MSH3: variants seen among roughly 807,000 people sequenced by gnomAD.
The protein encoded by MSH3 is mutS homolog 3, also known as DNA mismatch repair protein Msh3.
In MSH3, 106 loss-of-function variants were observed where a neutral mutation model predicts 123.3. The ratio of observed to expected loss-of-function variants is 0.86; its 90% CI spans 0.73 to 1.01. The LOEUF is 1.01. Ranked by LOEUF, MSH3 falls within the 50% of genes least tolerant of loss-of-function variation. The probability of loss-of-function intolerance (pLI) is 0.00; values close to 1 mark genes in which losing one functional copy is unlikely to be tolerated. For synonymous variants in MSH3, 515 were observed against 481.4 expected, an observed-to-expected ratio of 1.07 and a Z score of -0.91; for missense variants, 1,459 against 1,347.6, an observed-to-expected ratio of 1.08 and a Z score of -1.29.
chr5:80,861,021 T>G (rs1746005773), intron 21 of MSH3, among the ~76,000 whole-genome samples: 1 of 152,204 alleles, frequency 6.6e-6, no homozygotes, highest in Non-Finnish European at 1.5e-5. Context: ...TGGTTTTTTC[T>G]TAGAATATGC....
intron 12 of MSH3, among the ~76,000 whole-genome samples, chr5:80,753,502 A>G (rs1381367470): frequency 1.3e-5 from 2 of 152,052 alleles, no homozygotes; most frequent in Admixed American, 1.3e-4. Flanking sequence ...GGTCCCTTTT[A>G]TTTATGCTCT....
chr5:80,705,101 G>C (rs979688057), intron 8 of MSH3, among the ~76,000 whole-genome samples: 1 of 152,210 alleles, frequency 6.6e-6, no homozygotes, highest in Non-Finnish European at 1.5e-5. Flanking sequence ...ATGAAACATA[G>C]TGCTCATTAA....
chr5:80,704,983 A>G (rs1750686797), intron 8 of MSH3, among the ~76,000 whole-genome samples: 2 of 152,112 alleles, frequency 1.3e-5, no homozygotes, highest in South Asian at 4.1e-4. Context: ...TTTTCTTACT[A>G]CCTGTGAATC....
chr5:80,665,419 A>G (rs1024325700), intron 3 of MSH3, 56 bp downstream of exon 3: 1 of 1,347,870 alleles, frequency 7.4e-7, no homozygotes, highest in African/African-American at 1.4e-5. Context: ...GTTCTGAAGT[A>G]CTGTCAGGTT....
At chr5:80,866,245 C>T (rs1463819599) in intron 22 of MSH3, among the ~76,000 whole-genome samples, 1 of 152,138 alleles carries the variant, frequency 6.6e-6, no homozygotes, top group Non-Finnish European at 1.5e-5. Context: ...CCCAGGTGAT[C>T]CTCCCATGTC....
chr5:80,757,620 G>C (rs954721614), intron 12 of MSH3, among the ~76,000 whole-genome samples: 19 of 152,080 alleles, frequency 1.2e-4, no homozygotes, highest in African/African-American at 4.6e-4. Context: ...AATGACTCAG[G>C]TGCCTTCTTT....
In MSH3 at chr5:80,675,117, A is replaced by T. The variant is rs1207567423; in HGVS notation, c.1162A>T (p.Ile388Phe). The T allele has an allele frequency of 6.2e-7, 1 of 1,613,826 alleles. No homozygotes were observed. The highest frequency in any genetic ancestry group is 1.3e-5 in the African/African-American group (1 of 75,020). The change falls in exon 7 of 24, where the codon ATT becomes TTT. Residue 388 changes from isoleucine (I) to phenylalanine (F), a missense_variant. Ile to Phe is a conservative substitution (Grantham distance 21, BLOSUM62 0). Transcript: ENST00000265081. ...VRDKKKGNIFIGIVGVQPATG... is the reference protein window; with the variant it reads ...VRDKKKGNIFFGIVGVQPATG... The stretch of plus-strand genomic sequence containing the variant: ...GGACAAAAAAAAGGGCAACATTTTT[A>T]TTGGCATTGTGGTAAGTACTTTGCA...
At chr5:80,838,502 T>C (rs771597720) in intron 20 of MSH3, among the ~76,000 whole-genome samples, 16 of 152,242 alleles carry the variant, frequency 1.1e-4, no homozygotes, top group Non-Finnish European at 2.2e-4. Context: ...TGCTCACATA[T>C]GTTATCACAT....
At chr5:80,711,331 C>G (rs985384483) in intron 8 of MSH3, among the ~76,000 whole-genome samples, 18 of 152,184 alleles carry the variant, frequency 1.2e-4, no homozygotes, top group African/African-American at 4.3e-4. Context: ...CTCTTTAAGC[C>G]TGAAGAAGCG....
chr5:80,784,224 AAAAAAAAAAAAAAAAG>A (rs1361049866), intron 17 of MSH3, among the ~76,000 whole-genome samples: 4 of 137,454 alleles, frequency 2.9e-5, no homozygotes, highest in African/African-American at 5.9e-5. Context: ...AAAAAAAAAA[AAAAAAAAAAAAAAAAG>A]GGAAATAAAT....
At chr5:80,828,704 A>T (rs1474415018) in intron 20 of MSH3, among the ~76,000 whole-genome samples, 3 of 152,166 alleles carry the variant, frequency 2.0e-5, no homozygotes, top group Admixed American at 2.0e-4. Context: ...TTCATAAGGG[A>T]GAGATAGGCA....
At chr5:80,711,478 C>T (rs921881260) in intron 8 of MSH3, among the ~76,000 whole-genome samples, 4 of 152,184 alleles carry the variant, frequency 2.6e-5, no homozygotes, top group South Asian at 2.1e-4. Context: ...TGGCTCATTC[C>T]GAGGAGGACT....
intron 13 of MSH3, 103 bp from the exon 14 acceptor site, chr5:80,767,830 A>T: frequency 1.1e-6 from 1 of 879,040 alleles, no homozygotes. Context: ...TTAATAGAAA[A>T]TTTAAACTTT....
rs182432418 is a variant in MSH3 at position 80,840,564 on chromosome 5, C to G, written c.2814-13566C>G. Among the ~76,000 whole-genome samples the G allele has an allele frequency of 1.9e-4, 29 of 152,244 alleles. 1 individual carries two copies. Among genetic ancestry groups the G allele is most frequent in the Admixed American group, 1.6e-3 (25 of 15,296 alleles). ...GAGTAGCTGGGATTATAGGCACTTG[C>G]CACCACACCCGGCTAATTTTTGGGT... On this transcript the variant is annotated intron_variant, in intron 20 of 23. Coordinates refer to ENST00000265081, the MANE Select transcript of MSH3 (RefSeq NM_002439.5).
chr5:80,663,041 C>T (rs1749475721), intron 2 of MSH3, among the ~76,000 whole-genome samples: 1 of 151,958 alleles, frequency 6.6e-6, no homozygotes, highest in Non-Finnish European at 1.5e-5. Flanking sequence ...CAGAGACCAG[C>T]CTAGGCAACA....
chr5:80,786,630 T>C (rs1038580696), intron 17 of MSH3, among the ~76,000 whole-genome samples: 3 of 152,222 alleles, frequency 2.0e-5, no homozygotes, highest in Admixed American at 6.5e-5. Flanking sequence ...CTTAAAAAGA[T>C]ACTTTATACT....
At chr5:80,738,740 C>T (rs1425816197) in intron 10 of MSH3, among the ~76,000 whole-genome samples, 1 of 152,156 alleles carries the variant, frequency 6.6e-6, no homozygotes, top group East Asian at 1.9e-4. Context: ...CTCATGCCAA[C>T]TGTTATGGCC....
At chr5:80,848,076 CA>C (rs1405403209) in intron 20 of MSH3, among the ~76,000 whole-genome samples, 1 of 152,022 alleles carries the variant, frequency 6.6e-6, no homozygotes, top group Non-Finnish European at 1.5e-5. Flanking sequence ...ACTAAAGATA[CA>C]AAAAATAAAA....
At chr5:80,779,616 T>A (rs1744373556) in intron 17 of MSH3, among the ~76,000 whole-genome samples, 1 of 149,914 alleles carries the variant, frequency 6.7e-6, no homozygotes, top group South Asian at 2.1e-4. Context: ...AGTGGCGCAA[T>A]CTTGGCTCAC....
Sources: gnomAD v4.1 joint callset for allele counts (sites outside exome capture counted in the v4.1 genomes callset) on GRCh38, gnomAD v4.1.1 for gene constraint, MANE v1.5 for transcripts, NCBI Gene and HGNC (gene_info 2026-07-23, HGNC 2026-07-21) for gene names.